Variants in FBLN2 observed in about 807,000 individuals in gnomAD.
The protein encoded by FBLN2 is fibulin 2.
Under a neutral mutation model 123.7 loss-of-function variants are expected in FBLN2, and 81 were observed. The observed-to-expected ratio is 0.65, with a 90% CI of 0.55 to 0.79. FBLN2 has a LOEUF of 0.79. Ranked by LOEUF, FBLN2 falls within the 30% of genes least tolerant of loss-of-function variation. The pLI is 0.00. For synonymous variants in FBLN2, 699 were observed against 701.4 expected, an observed-to-expected ratio of 1.00 and a Z score of 0.05; for missense variants, 1,603 against 1,681.3, an observed-to-expected ratio of 0.95 and a Z score of 0.81.
chr3:13,617,201 T>TCTAC (rs1248464942), intron 5 of FBLN2, among the ~76,000 whole-genome samples: 4 of 150,364 alleles, frequency 2.7e-5, no homozygotes, highest in Non-Finnish European at 5.9e-5. Context: ...CATCCATCCA[T>TCTAC]CTACCTACCT....
chr3:13,551,092 G>T, intron 1 of FBLN2, among the ~76,000 whole-genome samples: 1 of 152,184 alleles, frequency 6.6e-6, no homozygotes, highest in Non-Finnish European at 1.5e-5. Context: ...GCCCTCTCAT[G>T]CCTTCTCAGC....
chr3:13,609,267 A>G (rs1190322643), intron 3 of FBLN2, among the ~76,000 whole-genome samples: 1 of 152,068 alleles, frequency 6.6e-6, no homozygotes, highest in Admixed American at 6.6e-5. Flanking sequence ...TCTGATGCCA[A>G]CCCCTCTCTC....
intron 4 of FBLN2, among the ~76,000 whole-genome samples, chr3:13,611,994 G>A (rs1181585276): frequency 6.6e-6 from 1 of 152,234 alleles, no homozygotes; most frequent in Non-Finnish European, 1.5e-5. Flanking sequence ...AAACCTTCCA[G>A]AAGGGACCTC....
At position 13,604,559 on chromosome 3, in the gene FBLN2, T is replaced by C. The variant is rs538019772; in HGVS notation, c.1307-3503T>C. On this transcript the variant is annotated intron_variant, in intron 2 of 17. Coordinates refer to ENST00000404922, the MANE Select transcript of FBLN2 (RefSeq NM_001004019.2). Reference sequence around the variant, plus strand: ...AGATGGTTGTAGATGTGTGGTATTATTTCTGAGCCGGCCTCCTTTTTTCTT... The same window carrying C: ...AGATGGTTGTAGATGTGTGGTATTACTTCTGAGCCGGCCTCCTTTTTTCTT... Among the ~76,000 whole-genome samples, 102 of 152,358 alleles carry C rather than the reference T, an allele frequency of 6.7e-4. 2 individuals are homozygous for C. In the South Asian group the frequency reaches 9.7e-3, roughly 15 times the overall value.
At chr3:13,590,246 C>T (rs926860500) in intron 2 of FBLN2, among the ~76,000 whole-genome samples, 1 of 152,168 alleles carries the variant, frequency 6.6e-6, no homozygotes, top group African/African-American at 2.4e-5. Context: ...TGGCCTCAAG[C>T]AATCCTCCTG....
chr3:13,626,479 C>T lies in FBLN2; in HGVS notation c.2331C>T (p.Cys777=). 7 of 1,580,652 alleles carry T rather than the reference C, an allele frequency of 4.4e-6. No homozygotes were observed. Among genetic ancestry groups the T allele is most frequent in the Non-Finnish European group, 6.0e-6 (7 of 1,163,158 alleles). ...AGTGTGTGACGGACCTGCACACGTGCAGCCGGGGCGAGCACTGTGTGAACA... is the reference window on the plus strand; with the variant it reads ...AGTGTGTGACGGACCTGCACACGTGTAGCCGGGGCGAGCACTGTGTGAACA... ...INECVTDLHT[C]SRGEHCVNTL... The change falls in exon 10 of 18, where the codon TGC becomes TGT. Residue 777 remains cysteine, a synonymous_variant. Transcript: ENST00000404922.
intron 2 of FBLN2, among the ~76,000 whole-genome samples, chr3:13,604,415 G>T (rs1263504086): frequency 6.6e-6 from 1 of 152,084 alleles, no homozygotes; most frequent in African/African-American, 2.4e-5. Flanking sequence ...TTTGTGTAAG[G>T]TGTAAGGAAG....
At chr3:13,603,751 C>A (rs1445656721) in intron 2 of FBLN2, among the ~76,000 whole-genome samples, 1 of 152,146 alleles carries the variant, frequency 6.6e-6, no homozygotes, top group Non-Finnish European at 1.5e-5. Flanking sequence ...GGTATATACC[C>A]AGTAATGGGA....
rs139639824 is a variant in FBLN2 at position 13,606,644 on chromosome 3, A to G, written c.1307-1418A>G. Among the ~76,000 whole-genome samples, 34 of 147,762 alleles carry G rather than the reference A, an allele frequency of 2.3e-4. No homozygotes were observed. In the East Asian group the frequency reaches 5.9e-3, roughly 26 times the overall value. ...TTAACACATATTTTATATGTTATATATATTATATACTGTATTTTTTTTTTG... is the reference window on the plus strand; with the variant it reads ...TTAACACATATTTTATATGTTATATGTATTATATACTGTATTTTTTTTTTG... On this transcript the variant is annotated intron_variant, in intron 2 of 17. Coordinates refer to ENST00000404922, the MANE Select transcript of FBLN2 (RefSeq NM_001004019.2).
intron 6 of FBLN2, 113 bp downstream of exon 6, chr3:13,618,398 G>A (rs1362548114): frequency 7.5e-6 from 7 of 935,892 alleles, no homozygotes; most frequent in African/African-American, 5.0e-5. Flanking sequence ...TACCCCACAA[G>A]TTGGAACCCA....
At chr3:13,619,526 G>A (rs1011784322) in intron 7 of FBLN2, among the ~76,000 whole-genome samples, 1 of 152,236 alleles carries the variant, frequency 6.6e-6, no homozygotes, top group East Asian at 1.9e-4. Flanking sequence ...CGTCGTCCCC[G>A]ACGCCAGACG....
At chr3:13,622,053 C>G (rs576173445) in intron 9 of FBLN2, 138 bp downstream of exon 9, 28 of 1,046,228 alleles carry the variant, frequency 2.7e-5, no homozygotes, top group Middle Eastern at 3.1e-4. Context: ...TCTCCGTGCT[C>G]TATGTCGTGC....
chr3:13,609,525 G>A lies in FBLN2; in HGVS notation c.1431G>A (p.Arg477=), dbSNP rs530567849. The A allele has an allele frequency of 5.5e-5, 86 of 1,550,440 alleles. No individual in the cohort carries two copies. The highest frequency in any genetic ancestry group is 6.9e-5 in the Non-Finnish European group (79 of 1,146,674). Residue 477 remains arginine, a synonymous_variant, in exon 4 of 18, where the codon AGG becomes AGA. Coordinates refer to ENST00000404922, the MANE Select transcript of FBLN2 (RefSeq NM_001004019.2). ...CCCTCTGTTTCAGGACAGCCCAGAG[G>A]CACTGCTGTGTCTCCTACTTGCAGG... ...TEDNVCRTAQ[R]HCCVSYLQEK...
intron 4 of FBLN2, among the ~76,000 whole-genome samples, chr3:13,611,561 A>G (rs561826848): frequency 6.6e-6 from 1 of 152,332 alleles, no homozygotes; most frequent in East Asian, 1.9e-4. Flanking sequence ...TTCACTTAGC[A>G]TAATGTCTTC....
chr3:13,619,683 C>A (rs757279785), intron 7 of FBLN2, 47 bp from the exon 8 acceptor site: 1 of 1,548,234 alleles, frequency 6.5e-7, no homozygotes. Context: ...CAGTGTGGAC[C>A]AAGGCCAGGG....
At chr3:13,576,836 C>A (rs543811401) in intron 2 of FBLN2, among the ~76,000 whole-genome samples, 13 of 152,260 alleles carry the variant, frequency 8.5e-5, no homozygotes, top group African/African-American at 2.9e-4. Context: ...ATGGTCCCCA[C>A]CCTCACCTCA....
At position 13,609,655 on chromosome 3, in the gene FBLN2, T is replaced by C. The variant is rs1458572391; in HGVS notation, c.1548+13T>C. On this transcript the variant is annotated intron_variant, in intron 4 of 17. Transcript: ENST00000404922. Reference sequence around the variant, plus strand: ...CTCCCTGTACAAGGCAAGCCTGACCTGTGGCCTTCAAGGCAGGGTGGGGTG... The same window carrying C: ...CTCCCTGTACAAGGCAAGCCTGACCCGTGGCCTTCAAGGCAGGGTGGGGTG... 1 of 788,740 alleles carries C rather than the reference T, an allele frequency of 1.3e-6. No homozygotes were observed. Among genetic ancestry groups the C allele is most frequent in the Non-Finnish European group, 1.8e-6 (1 of 545,632 alleles). The allele number at this position is 788,740 out of a possible 1,614,324, so 48.9% of individuals were successfully genotyped here. A position where few individuals can be genotyped will look rare whatever the true frequency, so the allele number is the denominator to read the frequency against.
chr3:13,633,301 C>T (rs1196567437), intron 16 of FBLN2, among the ~76,000 whole-genome samples: 3 of 152,278 alleles, frequency 2.0e-5, no homozygotes, highest in African/African-American at 7.2e-5. Context: ...TGCTCCTCTG[C>T]CCCGACGACT....
At position 13,618,207 on chromosome 3, in the gene FBLN2, A is replaced by C. The variant is rs770900067; in HGVS notation, c.1861A>C (p.Ile621Leu). Residue 621 changes from isoleucine (I) to leucine (L), a missense_variant, in exon 6 of 18, where the codon ATC (isoleucine) becomes CTC (leucine). Physicochemically the swap from Ile to Leu is conservative, Grantham distance 5. Coordinates refer to ENST00000404922, the MANE Select transcript of FBLN2 (RefSeq NM_001004019.2). ...GGGAGAGCTGTGCCAGCACCTTTGC[A>C]TCAATACTGTGGGTTCTTACCACTG... is the stretch of plus-strand genomic sequence containing the variant. ...LPGELCQHLC[I>L]NTVGSYHCAC... is the part of the protein sequence containing the mutation. The C allele has an allele frequency of 6.2e-7, 1 of 1,613,890 alleles. No individual in the cohort carries two copies. Among genetic ancestry groups the C allele is most frequent in the Non-Finnish European group, 8.5e-7 (1 of 1,179,890 alleles).
Sources: gnomAD v4.1 joint callset for allele counts (sites outside exome capture counted in the v4.1 genomes callset) on GRCh38, gnomAD v4.1.1 for gene constraint, MANE v1.5 for transcripts, NCBI Gene and HGNC (gene_info 2026-07-23, HGNC 2026-07-21) for gene names.